ABCA8: variants seen among roughly 807,000 people sequenced by gnomAD.
ABCA8 encodes the protein ATP binding cassette subfamily A member 8, also known as ABC-type organic anion transporter ABCA8.
ABCA8 carries 177 observed loss-of-function variants against 192.3 expected under a neutral mutation model. That is an observed-to-expected ratio of 0.92 (90% CI 0.81 to 1.04). The LOEUF (loss-of-function observed/expected upper bound fraction) is 1.04, where lower values mean the gene tolerates loss of function less well. Among genes scored for constraint, ABCA8 ranks in the 50% least tolerant of loss-of-function variants. ABCA8 has a pLI of 0.00. For missense variants in ABCA8, 1,915 were observed against 1,904.8 expected (o/e 1.01, Z -0.10); for synonymous variants, 642 against 690.2 (o/e 0.93, Z 1.09).
chr17:68,881,598 A>G (rs2066337757), intron 31 of ABCA8, among the ~76,000 whole-genome samples: 1 of 152,234 alleles, frequency 6.6e-6, no homozygotes, highest in African/African-American at 2.4e-5. Flanking sequence ...TAGGAAATCA[A>G]TTGTGTTCAT....
At chr17:68,933,080 C>G in intron 6 of ABCA8, 88 bp downstream of exon 6, 1 of 906,232 alleles carries the variant, frequency 1.1e-6, no homozygotes. Flanking sequence ...AGGCTATCCA[C>G]TTATATTTTC....
At chr17:68,932,678 G>T (rs909801345) in intron 6 of ABCA8, among the ~76,000 whole-genome samples, 164 bp from the exon 7 acceptor site, 1 of 152,122 alleles carries the variant, frequency 6.6e-6, no homozygotes, top group Non-Finnish European at 1.5e-5. Context: ...GGACCTCGGA[G>T]TCCAGGCATT....
chr17:68,924,908 C>A, intron 10 of ABCA8, 39 bp from the exon 11 acceptor site: 1 of 1,599,608 alleles, frequency 6.3e-7, no homozygotes, highest in Non-Finnish European at 8.5e-7. Flanking sequence ...GGGTCAATGA[C>A]CACGTTAGGG....
chr17:68,934,556 A>G (rs2068001325), intron 5 of ABCA8, among the ~76,000 whole-genome samples: 1 of 152,212 alleles, frequency 6.6e-6, no homozygotes, highest in South Asian at 2.1e-4. Context: ...AAGAACTTAT[A>G]CCTGCATTTA....
intron 1 of ABCA8, 22 bp downstream of exon 1, chr17:68,955,197 A>C (rs940829534): frequency 6.6e-6 from 1 of 152,234 alleles, no homozygotes; most frequent in Non-Finnish European, 1.5e-5. Context: ...AAAACAAAAC[A>C]GAAAAAATAC....
intron 27 of ABCA8, 176 bp from the exon 28 acceptor site, chr17:68,884,572 C>T: frequency 5.4e-6 from 7 of 1,306,880 alleles, no homozygotes; most frequent in Non-Finnish European, 6.8e-6. Context: ...GGTCTATGAG[C>T]TTTTGTTTGA....
intron 21 of ABCA8, among the ~76,000 whole-genome samples, chr17:68,899,383 T>C (rs2066848137): frequency 6.6e-6 from 1 of 152,038 alleles, no homozygotes; most frequent in African/African-American, 2.4e-5. Flanking sequence ...TTAAATTTCA[T>C]TGATACAAAT....
intron 29 of ABCA8, among the ~76,000 whole-genome samples, chr17:68,883,458 T>C (rs976405286): frequency 6.6e-6 from 1 of 152,212 alleles, no homozygotes; most frequent in Non-Finnish European, 1.5e-5. Context: ...CAGTGGATCA[T>C]TCTGTTCCTT....
At chr17:68,925,211 C>G (rs909022575) in intron 10 of ABCA8, among the ~76,000 whole-genome samples, 1 of 151,720 alleles carries the variant, frequency 6.6e-6, no homozygotes, top group Non-Finnish European at 1.5e-5. Context: ...GACCAGGTGT[C>G]ATTACATAGG....
chr17:68,948,653 A>G (rs2068483767), intron 2 of ABCA8, among the ~76,000 whole-genome samples: 1 of 152,030 alleles, frequency 6.6e-6, no homozygotes, highest in Non-Finnish European at 1.5e-5. Flanking sequence ...CCTTTGTCAG[A>G]TGGGTAGATT....
rs1311762259 is a variant in ABCA8, at chr17:68,928,954, T to C, written c.1125+95A>G. 4 of 1,102,270 alleles carry C rather than the reference T, an allele frequency of 3.6e-6. No homozygotes were observed. In the African/African-American group the frequency reaches 6.4e-5, roughly 18 times the overall value. The allele number at this position is 1,102,270 out of a possible 1,614,324, so 68.3% of individuals were successfully genotyped here. ...CAGCCTTCGCTAGAATTTTAAGCCTTACAATGCTGAGTTTGTAAATGATTA... is the reference window on the plus strand; with the variant it reads ...CAGCCTTCGCTAGAATTTTAAGCCTCACAATGCTGAGTTTGTAAATGATTA... On this transcript the variant is annotated intron_variant, in intron 9 of 39. Transcript: ENST00000586539.
chr17:68,926,890 G>A (rs1345863868), intron 10 of ABCA8, among the ~76,000 whole-genome samples: 1 of 152,164 alleles, frequency 6.6e-6, no homozygotes. Context: ...AAGGGCCCTT[G>A]GCATTCTGTC....
intron 7 of ABCA8, 40 bp from the exon 8 acceptor site, chr17:68,929,742 C>T: frequency 6.5e-7 from 1 of 1,546,264 alleles, no homozygotes; most frequent in South Asian, 1.3e-5. Flanking sequence ...ATTTTATGTT[C>T]ACTTGAAAAG....
chr17:68,903,843 G>A (rs1389502422), intron 19 of ABCA8, among the ~76,000 whole-genome samples: 1 of 152,106 alleles, frequency 6.6e-6, no homozygotes, highest in East Asian at 1.9e-4. Flanking sequence ...TGAACAGGGA[G>A]TAAACTGTAA....
intron 17 of ABCA8, among the ~76,000 whole-genome samples, chr17:68,916,915 A>G (rs577929713): frequency 2.4e-4 from 37 of 152,386 alleles, no homozygotes; most frequent in African/African-American, 6.7e-4. Context: ...TCTTACATAT[A>G]CATACTAACT....
At chr17:68,880,057 G>C (rs1031523631) in intron 32 of ABCA8, 1 of 152,178 alleles carries the variant, frequency 6.6e-6, no homozygotes, top group Admixed American at 6.5e-5. Flanking sequence ...CCAGGCTGCC[G>C]GTTCTAGGTG....
At chr17:68,880,896 G>C (rs1196677115) in intron 32 of ABCA8, 1 of 542,402 alleles carries the variant, frequency 1.8e-6, no homozygotes, top group Non-Finnish European at 3.3e-6. Context: ...ACCAGCTCCA[G>C]AGGTTTTGAC....
rs1364911616 is a variant in ABCA8, at chr17:68,868,201, A to G, written c.4768-18T>C. ...AGGAAAACCTGAAAGGGAGGAAGGA[A>G]ATAAAGAGAGGAGAACAATGCCGTG... On this transcript the variant is annotated intron_variant, in intron 39 of 39. Transcript: ENST00000586539. 6.2e-7 allele frequency: 1 copy of G among 1,611,508 alleles called. No individual in the cohort carries two copies. Among genetic ancestry groups the G allele is most frequent in the South Asian group, 1.1e-5 (1 of 90,914 alleles).
intron 19 of ABCA8, among the ~76,000 whole-genome samples, chr17:68,904,304 AATAATAAT>A (rs901077526): frequency 4.7e-5 from 1 of 21,484 alleles, no homozygotes; most frequent in African/African-American, 1.7e-4. Context: ...TAATAATAAT[AATAATAAT>A]AATAATAATA....
Sources: gnomAD v4.1 joint callset for allele counts (sites outside exome capture counted in the v4.1 genomes callset) on GRCh38, gnomAD v4.1.1 for gene constraint, MANE v1.5 for transcripts, NCBI Gene and HGNC (gene_info 2026-07-23, HGNC 2026-07-21) for gene names.